The following IFT74 variants were observed in gnomAD, a reference collection of about 807,000 sequenced individuals.
The protein encoded by IFT74 is intraflagellar transport protein 74 homolog.
IFT74 carries 92 observed loss-of-function variants against 96.7 expected under a neutral mutation model. The observed-to-expected ratio is 0.95, with a 90% confidence interval of 0.80 to 1.13. The LOEUF (loss-of-function observed/expected upper bound fraction) is 1.13, where lower values mean the gene tolerates loss of function less well. Ranked by LOEUF, IFT74 falls within the 50% of genes most tolerant of loss-of-function variation. The pLI is 0.00. For synonymous variants in IFT74, 223 were observed against 213.2 expected (o/e 1.05, Z -0.40); for missense variants, 811 against 698.2 (o/e 1.16, Z -1.82).
At chr9:27,023,196 T>A (rs934379447) in intron 12 of IFT74, among the ~76,000 whole-genome samples, 6 of 152,188 alleles carry the variant, frequency 3.9e-5, no homozygotes, top group African/African-American at 1.2e-4. Context: ...TAGTGCTGTG[T>A]TGAATAGAAG....
intron 13 of IFT74, among the ~76,000 whole-genome samples, chr9:27,038,482 T>C (rs1439473421): frequency 1.3e-5 from 2 of 152,140 alleles, no homozygotes; most frequent in Admixed American, 6.6e-5. Context: ...GGCTGCTCTC[T>C]TGGCCAGGCT....
chr9:26,947,728 C>G (rs779249547), intron 1 of IFT74, among the ~76,000 whole-genome samples: 1 of 152,164 alleles, frequency 6.6e-6, no homozygotes, highest in Admixed American at 6.5e-5. Context: ...AATCATTGAA[C>G]TATTCCTCCG....
At chr9:26,970,739 C>T (rs1473491076) in intron 2 of IFT74, among the ~76,000 whole-genome samples, 1 of 152,238 alleles carries the variant, frequency 6.6e-6, no homozygotes, top group East Asian at 1.9e-4. Flanking sequence ...CTGTGTCCAA[C>T]ACATTCTCTA....
In IFT74 at chr9:27,001,890, C is replaced by A. The variant is rs1010959815; in HGVS notation, c.588-7130C>A. Among the ~76,000 whole-genome samples the A allele has an allele frequency of 5.4e-4, 81 of 150,912 alleles. 1 individual carries two copies. The highest frequency in any genetic ancestry group is 4.4e-5 in the Non-Finnish European group (3 of 67,870). ...TGAGGTCTTAGAGACACAAAAAAAT[C>A]TTTGTCCAGGCCAGTGTTCTAGAGC... is the stretch of plus-strand genomic sequence containing the variant. On this transcript the variant is annotated intron_variant, in intron 8 of 19. Transcript: ENST00000380062.
chr9:26,985,806 T>C lies in IFT74; in HGVS notation c.465+1247T>C, dbSNP rs554988500. 4.6e-5 allele frequency among the ~76,000 whole-genome samples: 7 copies of C among 152,366 alleles called. No individual in the cohort carries two copies. In the South Asian group the frequency reaches 1.0e-3, roughly 23 times the overall value. On this transcript the variant is annotated intron_variant, in intron 6 of 19. Transcript: ENST00000380062. ...ATCATTGCTTTAAAAACACATTTTT[T>C]ATCAAGTGTTGTCATCTTGAAAATT...
intron 8 of IFT74, among the ~76,000 whole-genome samples, chr9:27,005,071 T>G (rs1172167385): frequency 1.3e-5 from 2 of 152,198 alleles, no homozygotes; most frequent in East Asian, 3.8e-4. Context: ...TCAATGTATT[T>G]AGAGAATGAT....
chr9:26,968,373 T>C (rs1219227658), intron 2 of IFT74, among the ~76,000 whole-genome samples: 4 of 152,192 alleles, frequency 2.6e-5, no homozygotes, highest in Admixed American at 2.6e-4. Flanking sequence ...GCGATTCTCC[T>C]TTCTCAGCCT....
intron 13 of IFT74, among the ~76,000 whole-genome samples, chr9:27,035,625 G>A (rs567787585): frequency 5.9e-5 from 9 of 152,098 alleles, no homozygotes; most frequent in Admixed American, 2.0e-4. Context: ...CACTACTTTC[G>A]AAAATGATTA....
At chr9:27,053,161 CTTTT>C (rs58085385) in intron 16 of IFT74, among the ~76,000 whole-genome samples, 65 of 50,602 alleles carry the variant, frequency 1.3e-3, no homozygotes, top group African/African-American at 5.9e-3. Flanking sequence ...CGCGCCTGGC[CTTTT>C]TTTTTTTTTT....
chr9:27,037,296 A>C (rs1453721758), intron 13 of IFT74, among the ~76,000 whole-genome samples: 1 of 151,988 alleles, frequency 6.6e-6, no homozygotes, highest in Non-Finnish European at 1.5e-5. Context: ...TCACAGAAGC[A>C]TGTCCCTGTT....
chr9:26,996,536 A>G (rs2131569451), intron 8 of IFT74: 1 of 1,271,288 alleles, frequency 7.9e-7, no homozygotes, highest in Non-Finnish European at 1.0e-6. Flanking sequence ...AGTATAGAGA[A>G]AAATAATAGT....
At chr9:26,967,226 A>G (rs889113494) in intron 2 of IFT74, among the ~76,000 whole-genome samples, 1 of 152,082 alleles carries the variant, frequency 6.6e-6, no homozygotes, top group African/African-American at 2.4e-5. Flanking sequence ...CTTCCAATCC[A>G]TGAACATGGA....
intron 2 of IFT74, among the ~76,000 whole-genome samples, chr9:26,962,703 A>C (rs1363238349): frequency 6.6e-6 from 1 of 152,222 alleles, no homozygotes; most frequent in African/African-American, 2.4e-5. Context: ...AATGTAGTAG[A>C]GGAAAATGTT....
At chr9:27,012,828 T>C (rs1829166760) in intron 10 of IFT74, among the ~76,000 whole-genome samples, 1 of 148,686 alleles carries the variant, frequency 6.7e-6, no homozygotes, top group East Asian at 2.1e-4. Context: ...GCCATTCTCC[T>C]GCCTCAGCCT....
At chr9:26,963,027 A>G (rs1436040776) in intron 2 of IFT74, among the ~76,000 whole-genome samples, 4 of 150,642 alleles carry the variant, frequency 2.7e-5, no homozygotes, top group Admixed American at 1.3e-4. Flanking sequence ...TTACATATGT[A>G]TACATGTGCC....
chr9:26,948,448 ATTTTTTTTTTTTTTTTTTTTTTTTT>A (rs71841244), intron 1 of IFT74, among the ~76,000 whole-genome samples: 7 of 59,162 alleles, frequency 1.2e-4, no homozygotes, highest in African/African-American at 3.2e-4. Flanking sequence ...GCTTTCCATT[ATTTTTTTTTTTTTTTTTTTTTTTTT>A]TTTTTTTTTT....
chr9:26,974,097 C>G (rs1257020825), intron 2 of IFT74, among the ~76,000 whole-genome samples: 1 of 152,190 alleles, frequency 6.6e-6, no homozygotes, highest in Non-Finnish European at 1.5e-5. Context: ...CCCAGATCCT[C>G]TAATTGGAGG....
At chr9:27,055,520 AAAC>A in intron 16 of IFT74, 86 bp from the exon 17 acceptor site, 1 of 870,802 alleles carries the variant, frequency 1.1e-6, no homozygotes, top group East Asian at 3.1e-5. Flanking sequence ...TATTCTTAAA[AAAC>A]ATGATTTTTA....
upstream of IFT74, among the ~76,000 whole-genome samples, chr9:26,954,536 A>C (rs1247122477): frequency 6.6e-6 from 1 of 151,594 alleles, no homozygotes; most frequent in Non-Finnish European, 1.5e-5. Context: ...TTTAACAGAT[A>C]GGAATAGTAC....
Sources: gnomAD v4.1 joint callset for allele counts (sites outside exome capture counted in the v4.1 genomes callset) on GRCh38, gnomAD v4.1.1 for gene constraint, MANE v1.5 for transcripts, NCBI Gene and HGNC (gene_info 2026-07-23, HGNC 2026-07-21) for gene names.